Variants in RAB33A observed in about 807,000 individuals in gnomAD.
RAB33A encodes ras-related protein Rab-33A.
In RAB33A, 6 loss-of-function variants were observed where a neutral mutation model predicts 12.0. That is an observed-to-expected ratio of 0.50 (90% CI 0.27 to 0.99). The LOEUF is 0.99. Among genes scored for constraint, RAB33A ranks in the 50% least tolerant of loss-of-function variants. RAB33A has a pLI of 0.11. For synonymous variants in RAB33A, 70 were observed against 82.4 expected, an observed-to-expected ratio of 0.85 and a Z score of 0.81; for missense variants, 109 against 192.0, an observed-to-expected ratio of 0.57 and a Z score of 2.55.
the RAB33A span, among the ~76,000 whole-genome samples, chrX:130,138,192 G>A: frequency 9.0e-6 from 1 of 111,723 alleles, no homozygotes; most frequent in Non-Finnish European, 1.9e-5. Context: ...TAGGCTGGGT[G>A]TGGTGGCTCA....
At chrX:130,115,663 AAGAG>A in the RAB33A span, among the ~76,000 whole-genome samples, 44 of 99,618 alleles carry the variant, frequency 4.4e-4, no homozygotes, top group East Asian at 2.5e-3. Flanking sequence ...GAAAGAGAGA[AAGAG>A]AGAGAGAGAG....
the RAB33A span, chrX:130,131,950 G>A: frequency 7.5e-6 from 5 of 668,491 alleles, no homozygotes; most frequent in African/African-American, 4.4e-5. Flanking sequence ...TCAGTTCATT[G>A]CAACCTCTCC....
At chrX:130,129,102 G>A in the RAB33A span, among the ~76,000 whole-genome samples, 2 of 111,782 alleles carry the variant, frequency 1.8e-5, no homozygotes, top group African/African-American at 6.5e-5. Context: ...GGAAGGCTGG[G>A]AAAGTCTTCA....
the RAB33A span, among the ~76,000 whole-genome samples, chrX:130,111,113 G>C: frequency 1.8e-5 from 2 of 108,632 alleles, no homozygotes; most frequent in African/African-American, 3.3e-5. Flanking sequence ...AGCCGTGCCA[G>C]GGGCCCGCGC....
chrX:130,153,210 C>A, the RAB33A span, among the ~76,000 whole-genome samples: 1 of 102,799 alleles, frequency 9.7e-6, no homozygotes, highest in Admixed American at 1.0e-4. Context: ...ATTAGCCGGG[C>A]ATGGTGGCAG....
Sources: allele counts gnomAD v4.1 joint callset (sites outside exome capture counted in the v4.1 genomes callset), GRCh38; gene constraint gnomAD v4.1.1; transcripts MANE v1.5; gene names NCBI Gene and HGNC (gene_info 2026-07-23, HGNC 2026-07-21).